Variants in DNAAF4 observed in about 807,000 individuals in gnomAD.
DNAAF4 encodes dynein axonemal assembly factor 4.
DNAAF4 carries 43 observed loss-of-function variants against 51.8 expected under a neutral mutation model. The ratio of observed to expected loss-of-function variants is 0.83; its 90% CI spans 0.65 to 1.07. DNAAF4 has a LOEUF of 1.07. Ranked by LOEUF, DNAAF4 falls within the 50% of genes least tolerant of loss-of-function variation. DNAAF4 has a pLI of 0.00. For synonymous variants in DNAAF4, 194 were observed against 165.6 expected, an observed-to-expected ratio of 1.17 and a Z score of -1.32; for missense variants, 581 against 493.0, an observed-to-expected ratio of 1.18 and a Z score of -1.69.
chr15:55,453,252 C>A (rs570199284), intron 5 of DNAAF4, among the ~76,000 whole-genome samples: 2 of 152,236 alleles, frequency 1.3e-5, no homozygotes, highest in Non-Finnish European at 2.9e-5. Context: ...AAGTCTTTTG[C>A]AAATAAGAAT....
At chr15:55,468,294 C>T (rs2058198927) in intron 4 of DNAAF4, among the ~76,000 whole-genome samples, 1 of 152,164 alleles carries the variant, frequency 6.6e-6, no homozygotes, top group Non-Finnish European at 1.5e-5. Flanking sequence ...ATCTACATGA[C>T]ATAATACTCT....
At chr15:55,497,655 A>G (rs2058658666) in intron 3 of DNAAF4, 57 bp downstream of exon 3, 1 of 1,537,324 alleles carries the variant, frequency 6.5e-7, no homozygotes, top group Non-Finnish European at 8.7e-7. Flanking sequence ...AAATTTTTTA[A>G]AAGGTCTGAA....
chr15:55,476,660 G>A (rs1266930143), intron 4 of DNAAF4, among the ~76,000 whole-genome samples: 2 of 152,058 alleles, frequency 1.3e-5, no homozygotes, highest in African/African-American at 4.8e-5. Flanking sequence ...AAACAAGGAT[G>A]AACCTTGAAG....
intron 6 of DNAAF4, among the ~76,000 whole-genome samples, chr15:55,449,596 G>A (rs1160657754): frequency 4.0e-5 from 6 of 150,732 alleles, no homozygotes; most frequent in African/African-American, 1.5e-4. Context: ...CCTGGGAGGA[G>A]GAGGTTGCAG....
At chr15:55,452,860 T>C (rs606446) in intron 5 of DNAAF4, among the ~76,000 whole-genome samples, 73,001 of 151,612 alleles carry the variant, frequency 0.48, 18,616 homozygotes, top group East Asian at 0.74. Context: ...AATGCTGATA[T>C]AGGTACAGAG....
At chr15:55,449,235 C>T (rs988561649) in intron 6 of DNAAF4, among the ~76,000 whole-genome samples, 2 of 150,882 alleles carry the variant, frequency 1.3e-5, no homozygotes, top group Non-Finnish European at 3.0e-5. Flanking sequence ...GGTGATCCAC[C>T]CACCTCGGCC....
In DNAAF4 at chr15:55,433,169, G is replaced by A. The variant is rs375967455; in HGVS notation, c.1048-567C>T. ...ACTTAAACTAGCCAGATGTGGTAGC[G>A]GGCACCTGTAATCCCAGCTACTCAG... On this transcript the variant is annotated intron_variant, in intron 8 of 9. Coordinates refer to ENST00000321149, the MANE Select transcript of DNAAF4 (RefSeq NM_130810.4). 3.9e-5 allele frequency among the ~76,000 whole-genome samples: 6 copies of A among 152,086 alleles called. No individual in the cohort carries two copies. In the East Asian group the frequency reaches 5.8e-4, roughly 15 times the overall value.
intron 9 of DNAAF4, 105 bp downstream of exon 9, chr15:55,432,392 A>C: frequency 3.9e-6 from 3 of 763,696 alleles, no homozygotes; most frequent in Non-Finnish European, 6.1e-6. Flanking sequence ...AAATGCTAAA[A>C]ATATTTAAAA....
chr15:55,422,265 G>T (rs895505121), intron 7 of DNAAF4, among the ~76,000 whole-genome samples: 1 of 152,114 alleles, frequency 6.6e-6, no homozygotes, highest in African/African-American at 2.4e-5. Context: ...TTCTGATAAG[G>T]AGATGTCTGA....
intron 3 of DNAAF4, among the ~76,000 whole-genome samples, chr15:55,492,295 A>T (rs2058585628): frequency 6.6e-6 from 1 of 151,176 alleles, no homozygotes; most frequent in Non-Finnish European, 1.5e-5. Context: ...AAAAAAACAG[A>T]AGGGGAGAGG....
intron 7 of DNAAF4, among the ~76,000 whole-genome samples, chr15:55,419,378 C>T (rs2057368114): frequency 6.6e-6 from 1 of 151,968 alleles, no homozygotes; most frequent in Non-Finnish European, 1.5e-5. Context: ...CACCAACAAC[C>T]ATGCCCCTAG....
intron 5 of DNAAF4, among the ~76,000 whole-genome samples, chr15:55,460,475 C>T (rs568451489): frequency 1.2e-4 from 18 of 152,042 alleles, no homozygotes; most frequent in African/African-American, 4.3e-4. Flanking sequence ...CCACCGCGCC[C>T]GGCCGGAATT....
intron 1 of DNAAF4, among the ~76,000 whole-genome samples, chr15:55,499,176 C>G (rs898005958): frequency 3.2e-4 from 49 of 152,100 alleles, no homozygotes; most frequent in Non-Finnish European, 5.9e-4. Flanking sequence ...AGAGCCAATC[C>G]GTCAACATCC....
chr15:55,466,440 T>C (rs1160153137), intron 5 of DNAAF4, among the ~76,000 whole-genome samples: 1 of 152,086 alleles, frequency 6.6e-6, no homozygotes, highest in Non-Finnish European at 1.5e-5. Flanking sequence ...AAAAATTATA[T>C]TAATTTATCT....
chr15:55,445,492 C>A (rs1271111978), intron 6 of DNAAF4, among the ~76,000 whole-genome samples: 1 of 152,060 alleles, frequency 6.6e-6, no homozygotes, highest in East Asian at 1.9e-4. Context: ...CCCAAATTTC[C>A]CCATTTTCTT....
chr15:55,479,855 T>C (rs984553174), intron 4 of DNAAF4, among the ~76,000 whole-genome samples: 6 of 152,092 alleles, frequency 3.9e-5, no homozygotes, highest in African/African-American at 1.4e-4. Context: ...AACTCCACCC[T>C]CGTAAATTTG....
intron 7 of DNAAF4, among the ~76,000 whole-genome samples, chr15:55,438,811 A>G (rs939283012): frequency 6.6e-6 from 1 of 152,032 alleles, no homozygotes; most frequent in South Asian, 2.1e-4. Flanking sequence ...AAAAAAATGG[A>G]TAAGAATAAT....
intron 4 of DNAAF4, among the ~76,000 whole-genome samples, chr15:55,483,999 A>G (rs1265970852): frequency 1.3e-5 from 2 of 151,828 alleles, no homozygotes; most frequent in African/African-American, 4.8e-5. Context: ...ATATAGTTCA[A>G]ATTAAAATGG....
intron 3 of DNAAF4, among the ~76,000 whole-genome samples, chr15:55,494,324 C>T (rs962528717): frequency 6.6e-6 from 1 of 151,852 alleles, no homozygotes; most frequent in African/African-American, 2.4e-5. Context: ...CCAGCGCGCC[C>T]GGCAAACTGA....
Sources: allele counts gnomAD v4.1 joint callset (sites outside exome capture counted in the v4.1 genomes callset), GRCh38; gene constraint gnomAD v4.1.1; transcripts MANE v1.5; gene names NCBI Gene and HGNC (gene_info 2026-07-23, HGNC 2026-07-21).